PCDHGC4: variants seen among roughly 807,000 people sequenced by gnomAD.
PCDHGC4 encodes protocadherin gamma subfamily C, 4, also known as protocadherin gamma-C4.
PCDHGC4 carries 15 observed loss-of-function variants against 59.7 expected under a neutral mutation model. The ratio of observed to expected loss-of-function variants is 0.25; its 90% CI spans 0.17 to 0.39. PCDHGC4 has a LOEUF of 0.39. Ranked by LOEUF, PCDHGC4 falls within the 10% of genes least tolerant of loss-of-function variation. PCDHGC4 has a pLI of 1.00. For synonymous variants in PCDHGC4, 434 were observed against 481.4 expected (o/e 0.90, Z 1.29); for missense variants, 1,016 against 1,189.5 (o/e 0.85, Z 2.15).
Position 141,508,665 on chromosome 5 carries a change from C to T in PCDHGC4, c.2591-2282C>T, listed in dbSNP as rs181641281. ...CGTCAGGCCCTTCCTGTCATTCTGT[C>T]TCTGCCTCCCTTCTCCCTGCTTCTC... On this transcript the variant is annotated intron_variant, in intron 3 of 3. Coordinates refer to ENST00000306593, the MANE Select transcript of PCDHGC4 (RefSeq NM_018928.3). Among the ~76,000 whole-genome samples the T allele has an allele frequency of 3.7e-3, 564 of 152,254 alleles. 5 individuals carry two copies. Among genetic ancestry groups the T allele is most frequent in the Admixed American group, 0.011 (164 of 15,296 alleles).
At chr5:141,506,682 C>T (rs1333272766) in intron 3 of PCDHGC4, among the ~76,000 whole-genome samples, 4 of 152,192 alleles carry the variant, frequency 2.6e-5, no homozygotes, top group African/African-American at 9.6e-5. Context: ...ATATTATTAT[C>T]TTTGCTGACC....
chr5:141,490,686 C>T lies in PCDHGC4; in HGVS notation c.2442+3071C>T. The T allele has an allele frequency of 3.7e-6, 6 of 1,614,196 alleles. No homozygotes were observed. The highest frequency in any genetic ancestry group is 5.1e-6 in the Non-Finnish European group (6 of 1,180,014). ...GCACTGTGGCTGCCTCAGATCCAGA[C>T]ACTGGGGATAATGCCCGCCTCACCT... On this transcript the variant is annotated intron_variant, in intron 1 of 3. Coordinates refer to ENST00000306593, the MANE Select transcript of PCDHGC4 (RefSeq NM_018928.3). This position sits in a 1 kb window ranked among gnomAD's most constrained non-coding sequence, Gnocchi z 5.4.
At chr5:141,499,707 T>G (rs1303008532) in intron 2 of PCDHGC4, among the ~76,000 whole-genome samples, 2 of 150,494 alleles carry the variant, frequency 1.3e-5, no homozygotes, top group African/African-American at 2.5e-5. Flanking sequence ...TTTTTTTTTT[T>G]TTTTGGAGAC....
In PCDHGC4 at chr5:141,487,522, T is replaced by C. The variant is rs764726787; in HGVS notation, c.2349T>C (p.Asp783=). 2 of 1,614,166 alleles carry C rather than the reference T, an allele frequency of 1.2e-6. No individual in the cohort carries two copies. The highest frequency in any genetic ancestry group is 1.7e-6 in the Non-Finnish European group (2 of 1,180,022). ...TGGCTTCTGCACCCACTCGGAGTGATAGCTTCATGATGGTGAAGTCACCCA... is the reference window on the plus strand; with the variant it reads ...TGGCTTCTGCACCCACTCGGAGTGACAGCTTCATGATGGTGAAGTCACCCA... ...TPLASAPTRS[D]SFMMVKSPSA... Residue 783 remains aspartate, a synonymous_variant, in exon 1 of 4, where the codon GAT becomes GAC. Coordinates refer to ENST00000306593, the MANE Select transcript of PCDHGC4 (RefSeq NM_018928.3). This position sits in a 1 kb window ranked among gnomAD's most constrained non-coding sequence, Gnocchi z 5.0.
In PCDHGC4 at chr5:141,494,634, T is replaced by C. The variant is rs917243803; in HGVS notation, c.2443-173T>C. The C allele has an allele frequency of 1.1e-5, 10 of 889,216 alleles. No individual in the cohort carries two copies. In the African/African-American group the frequency reaches 1.8e-4, roughly 16 times the overall value. 55.1% of individuals were successfully genotyped at this position (889,216 alleles called of 1,614,324 possible). A position where few individuals can be genotyped will look rare whatever the true frequency, so the allele number is the denominator to read the frequency against. On this transcript the variant is annotated intron_variant, in intron 1 of 3. Coordinates refer to ENST00000306593, the MANE Select transcript of PCDHGC4 (RefSeq NM_018928.3). ...CTTGGTTTCTGGTACCTCAGACCTC[T>C]GAGACCTGAGGTGTATTTTGTCTTT...
At position 141,489,749 on chromosome 5, in the gene PCDHGC4, AC is replaced by A; in HGVS notation, c.2442+2135del. ...GTGGGCACCAATACTGTGAGCTTTT[AC>A]ACTCTAAGCCCCAACAGCCACTTCT... is the stretch of plus-strand genomic sequence containing the variant. On this transcript the variant is annotated intron_variant, in intron 1 of 3. Transcript: ENST00000306593. The surrounding 1 kb of genome is among the most constrained non-coding windows in gnomAD (Gnocchi z 4.5). 6.2e-7 allele frequency: 1 copy of A among 1,614,126 alleles called. No individual in the cohort carries two copies. Among genetic ancestry groups the A allele is most frequent in the Non-Finnish European group, 8.5e-7 (1 of 1,180,002 alleles).
chr5:141,499,751 A>G (rs1355923543), intron 2 of PCDHGC4, among the ~76,000 whole-genome samples: 2 of 149,258 alleles, frequency 1.3e-5, no homozygotes, highest in Non-Finnish European at 3.0e-5. Flanking sequence ...CTGTGGCACA[A>G]TCTCAGCTCA....
chr5:141,495,892 TTGTCTC>T (rs1035324353), intron 2 of PCDHGC4, among the ~76,000 whole-genome samples: 1 of 152,198 alleles, frequency 6.6e-6, no homozygotes, highest in Admixed American at 6.5e-5. Flanking sequence ...TTGTCTCTCT[TTGTCTC>T]TGTCTCTGTA....
chr5:141,488,672 G>A (rs1012955473), intron 1 of PCDHGC4, among the ~76,000 whole-genome samples: 20 of 152,208 alleles, frequency 1.3e-4, no homozygotes, highest in African/African-American at 4.8e-4. Context: ...GAATACATGG[G>A]CTTTGCCTCT....
At chr5:141,508,193 C>T (rs1426786164) in intron 3 of PCDHGC4, 1 of 152,326 alleles carries the variant, frequency 6.6e-6, no homozygotes, top group Non-Finnish European at 1.5e-5. Flanking sequence ...ATCACCCCCA[C>T]CTCGTCCAGG....
In PCDHGC4 at chr5:141,486,671, C is replaced by A. The variant is rs1307620045; in HGVS notation, c.1498C>A (p.Arg500=). Residue 500 remains arginine (R), a synonymous_variant, in exon 1 of 4, where the codon CGA becomes AGA. Coordinates refer to ENST00000306593, the MANE Select transcript of PCDHGC4 (RefSeq NM_018928.3). The surrounding 1 kb of genome is among the most constrained non-coding windows in gnomAD (Gnocchi z 5.0). The stretch of plus-strand genomic sequence containing the variant: ...CTACTCACTCCTGGAGCCCAGGAAT[C>A]GAGATGTATCAGCTTCCTCTTTCAT... ...ISYSLLEPRN[R]DVSASSFISL... 1.9e-6 allele frequency: 3 copies of A among 1,614,044 alleles called. No individual in the cohort carries two copies. The highest frequency in any genetic ancestry group is 2.5e-6 in the Non-Finnish European group (3 of 1,180,014).
Position 141,490,351 on chromosome 5 carries a change from T to C in PCDHGC4, c.2442+2736T>C. Reference sequence around the variant, plus strand: ...CACACCAGTGGGCACAGTAGTGGGGTTGTTTAATGTGCGAGACCGGGACTC... The same window carrying C: ...CACACCAGTGGGCACAGTAGTGGGGCTGTTTAATGTGCGAGACCGGGACTC... On this transcript the variant is annotated intron_variant, in intron 1 of 3. Transcript: ENST00000306593. The surrounding 1 kb of genome is among the most constrained non-coding windows in gnomAD (Gnocchi z 5.4). 6.2e-7 allele frequency: 1 copy of C among 1,614,028 alleles called. No individual in the cohort carries two copies. The highest frequency in any genetic ancestry group is 1.3e-5 in the African/African-American group (1 of 74,976).
Position 141,491,274 on chromosome 5 carries a change from T to C in PCDHGC4, c.2443-3533T>C, listed in dbSNP as rs2099710140. On this transcript the variant is annotated intron_variant, in intron 1 of 3. Transcript: ENST00000306593. The surrounding 1 kb of genome is among the most constrained non-coding windows in gnomAD (Gnocchi z 6.9). ...ACCCTGAGGAAATGCCCAAATCCAG[T>C]GACTTCCTCATACACCCTCCTGAGC... The C allele has an allele frequency of 6.2e-7, 1 of 1,614,102 alleles. No individual in the cohort carries two copies. Among genetic ancestry groups the C allele is most frequent in the Non-Finnish European group, 8.5e-7 (1 of 1,179,914 alleles).
At chr5:141,496,693 C>T (rs2099770546) in intron 2 of PCDHGC4, among the ~76,000 whole-genome samples, 1 of 152,164 alleles carries the variant, frequency 6.6e-6, no homozygotes, top group South Asian at 2.1e-4. Context: ...CCTTGCCAAC[C>T]TTCTCATAAG....
Position 141,486,912 on chromosome 5 carries a change from T to C in PCDHGC4, c.1739T>C (p.Leu580Pro). The stretch of plus-strand genomic sequence containing the variant: ...CCTGGTTCCTTATGTCCCCAAGCAC[T>C]GCCTCCATCAGTTGGTGCTGGCCAC... ...ARPGSLCPQA[L>P]PPSVGAGHLI... Residue 580 changes from leucine to proline, a missense_variant, in exon 1 of 4, where the codon CTG (leucine) becomes CCG (proline). By Grantham distance (98) the Leu-to-Pro change is moderately conservative (BLOSUM62 -3). Coordinates refer to ENST00000306593, the MANE Select transcript of PCDHGC4 (RefSeq NM_018928.3). This position sits in a 1 kb window ranked among gnomAD's most constrained non-coding sequence, Gnocchi z 5.0. The C allele has an allele frequency of 1.2e-6, 2 of 1,614,246 alleles. No homozygotes were observed. Among genetic ancestry groups the C allele is most frequent in the Non-Finnish European group, 1.7e-6 (2 of 1,180,040 alleles).
Position 141,487,591 on chromosome 5 carries a change from C to G in PCDHGC4, c.2418C>G (p.Pro806=), listed in dbSNP as rs2099653282. The G allele has an allele frequency of 1.2e-6, 2 of 1,614,176 alleles. No individual in the cohort carries two copies. The highest frequency in any genetic ancestry group is 1.7e-6 in the Non-Finnish European group (2 of 1,180,036). ...AGEPVRPSCP[P]SDLLYGLEQA... ...AGCCTGTTCGCCCAAGCTGCCCACC[C>G]TCTGATCTTCTCTATGGGCTAGAGG... is the stretch of plus-strand genomic sequence containing the variant. The change falls in exon 1 of 4, where the codon CCC becomes CCG. Residue 806 remains proline, a synonymous_variant. Coordinates refer to ENST00000306593, the MANE Select transcript of PCDHGC4 (RefSeq NM_018928.3). The surrounding 1 kb of genome is among the most constrained non-coding windows in gnomAD (Gnocchi z 5.0).
At position 141,489,590 on chromosome 5, in the gene PCDHGC4, T is replaced by C; in HGVS notation, c.2442+1975T>C. The C allele has an allele frequency of 6.2e-7, 1 of 1,614,044 alleles. No homozygotes were observed. Among genetic ancestry groups the C allele is most frequent in the Non-Finnish European group, 8.5e-7 (1 of 1,179,984 alleles). ...GTGACTGAACACCCCCTGGAGCTAA[T>C]CCGTGTAGAGGTAGAGATCCTGGAT... On this transcript the variant is annotated intron_variant, in intron 1 of 3. Transcript: ENST00000306593. The surrounding 1 kb of genome is among the most constrained non-coding windows in gnomAD (Gnocchi z 4.5).
In PCDHGC4 at chr5:141,486,030, C is replaced by T. The variant is rs2099623234; in HGVS notation, c.857C>T (p.Pro286Leu). 2 of 1,614,046 alleles carry T rather than the reference C, an allele frequency of 1.2e-6. No homozygotes were observed. Among genetic ancestry groups the T allele is most frequent in the African/African-American group, 1.3e-5 (1 of 74,918 alleles). The change falls in exon 1 of 4, where the codon CCT (proline) becomes CTT (leucine). Residue 286 changes from proline to leucine, a missense_variant. Physicochemically the swap from Pro to Leu is moderately conservative, Grantham distance 98 (BLOSUM62 -3). Coordinates refer to ENST00000306593, the MANE Select transcript of PCDHGC4 (RefSeq NM_018928.3). This position sits in a 1 kb window ranked among gnomAD's most constrained non-coding sequence, Gnocchi z 5.0. Reference protein sequence around the residue: ...NVTFYFSGHTPDRVRNLFSLH... With the variant: ...NVTFYFSGHTLDRVRNLFSLH... ...ACCTTTTATTTCAGTGGTCATACCC[C>T]TGATCGTGTAAGAAACCTCTTTAGC...
chr5:141,503,418 A>G (rs1037754214), intron 2 of PCDHGC4, among the ~76,000 whole-genome samples: 1 of 151,528 alleles, frequency 6.6e-6, no homozygotes, highest in Admixed American at 6.6e-5. Context: ...AATATGGTGA[A>G]ACCCCATCTC....
Sources: allele counts gnomAD v4.1 joint callset (sites outside exome capture counted in the v4.1 genomes callset), GRCh38; gene constraint gnomAD v4.1.1; non-coding constraint Gnocchi (gnomAD v3.1); transcripts MANE v1.5; gene names NCBI Gene and HGNC (gene_info 2026-07-23, HGNC 2026-07-21).